Variants in TMIGD1 observed in about 807,000 individuals in gnomAD.
TMIGD1 encodes the protein transmembrane and immunoglobulin domain containing 1, also known as transmembrane and immunoglobulin domain-containing protein 1.
TMIGD1 carries 29 observed loss-of-function variants against 27.5 expected under a neutral mutation model. The ratio of observed to expected loss-of-function variants is 1.05; its 90% CI spans 0.78 to 1.44. The LOEUF (loss-of-function observed/expected upper bound fraction) is 1.44, where lower values mean the gene tolerates loss of function less well. TMIGD1 is among the 40% of genes most tolerant of loss of function. The probability of loss-of-function intolerance (pLI) is 0.00; values close to 1 mark genes in which losing one functional copy is unlikely to be tolerated. For missense variants in TMIGD1, 334 were observed against 310.6 expected, an observed-to-expected ratio of 1.08 and a Z score of -0.57; for synonymous variants, 109 against 110.3, an observed-to-expected ratio of 0.99 and a Z score of 0.07.
intron 1 of TMIGD1, among the ~76,000 whole-genome samples, chr17:30,333,627 A>C (rs976803775): frequency 7.2e-5 from 11 of 152,116 alleles, no homozygotes; most frequent in African/African-American, 2.7e-4. Flanking sequence ...CATTCATGCC[A>C]GGCTCACCCT....
chr17:30,332,163 G>C lies in TMIGD1; in HGVS notation c.-25-5C>G, dbSNP rs776905046. The C allele has an allele frequency of 1.1e-4, 174 of 1,572,808 alleles. No individual in the cohort carries two copies. The highest frequency in any genetic ancestry group is 1.5e-4 in the Non-Finnish European group (172 of 1,149,814). ...AATGAGTTAAACTCAGATCTACTAA[G>C]GGAAAAATAGTGCAGTTGGTTTTGT... On this transcript the variant is annotated splice_region_variant and splice_polypyrimidine_tract_variant and intron_variant, in intron 1 of 6. Transcript: ENST00000328886.
At chr17:30,329,110 G>T in intron 3 of TMIGD1, 141 bp downstream of exon 3, 1 of 904,994 alleles carries the variant, frequency 1.1e-6, no homozygotes, top group Non-Finnish European at 1.6e-6. Context: ...TCATGAGGGT[G>T]AGGGGAAATA....
intron 5 of TMIGD1, among the ~76,000 whole-genome samples, chr17:30,317,634 C>G (rs1274844076): frequency 6.6e-6 from 1 of 151,868 alleles, no homozygotes; most frequent in African/African-American, 2.4e-5. Flanking sequence ...GTGCCACATG[C>G]CTGTAGTCCC....
intron 6 of TMIGD1, 57 bp from the exon 7 acceptor site, chr17:30,316,747 CA>C: frequency 8.6e-6 from 13 of 1,519,542 alleles, no homozygotes; most frequent in Non-Finnish European, 1.2e-5. Context: ...GAAAAAAATT[CA>C]AAACAAAACC....
intron 4 of TMIGD1, among the ~76,000 whole-genome samples, chr17:30,321,102 C>T (rs1479058148): frequency 6.6e-6 from 1 of 152,104 alleles, no homozygotes; most frequent in African/African-American, 2.4e-5. Context: ...AAGTGATCTG[C>T]CTGCCTTGGC....
rs368514484 is a variant in TMIGD1, at chr17:30,325,103, C to T, written c.362-9G>A. ...ACTTAGGAGAGGAGGAACTGCAAGA[C>T]TCAAGCATTTAGATTTAATTAGCAG... On this transcript the variant is annotated splice_polypyrimidine_tract_variant and intron_variant, in intron 3 of 6. Coordinates refer to ENST00000328886, the MANE Select transcript of TMIGD1 (RefSeq NM_206832.3). 5 of 1,600,540 alleles carry T rather than the reference C, an allele frequency of 3.1e-6. No homozygotes were observed. The highest frequency in any genetic ancestry group is 4.3e-6 in the Non-Finnish European group (5 of 1,172,036).
At chr17:30,330,705 T>C (rs1003745278) in intron 2 of TMIGD1, among the ~76,000 whole-genome samples, 3 of 152,230 alleles carry the variant, frequency 2.0e-5, no homozygotes, top group African/African-American at 7.2e-5. Flanking sequence ...CCAGGTTTTT[T>C]TTGTTTTGTT....
chr17:30,329,790 T>C (rs1234571434), intron 2 of TMIGD1, among the ~76,000 whole-genome samples: 1 of 152,104 alleles, frequency 6.6e-6, no homozygotes, highest in South Asian at 2.1e-4. Context: ...TAAAAAGTAC[T>C]GATGTAGCTG....
chr17:30,316,788 T>C (rs1026701653), intron 6 of TMIGD1, 98 bp from the exon 7 acceptor site: 26 of 1,091,510 alleles, frequency 2.4e-5, no homozygotes, highest in Admixed American at 4.1e-5. Context: ...CCTTTGTTCT[T>C]ATTACCTACT....
At chr17:30,319,036 A>G (rs1363455049) in intron 4 of TMIGD1, 123 bp from the exon 5 acceptor site, 2 of 706,160 alleles carry the variant, frequency 2.8e-6, no homozygotes, top group African/African-American at 3.5e-5. Flanking sequence ...AACAATCTCA[A>G]AAAGTAGGTA....
chr17:30,324,198 T>A (rs1443882809), intron 4 of TMIGD1, among the ~76,000 whole-genome samples: 1 of 152,218 alleles, frequency 6.6e-6, no homozygotes, highest in African/African-American at 2.4e-5. Flanking sequence ...TGGCATCTGC[T>A]ACCCCAGGTA....
chr17:30,324,801 T>G lies in TMIGD1; in HGVS notation c.640+15A>C, dbSNP rs199804744. ...GTTTTGCACTGTGCTGGGTATTACT[T>G]AAAAAGAGCATTACCTTTAACAATC... On this transcript the variant is annotated intron_variant, in intron 4 of 6. Transcript: ENST00000328886. The G allele has an allele frequency of 6.2e-7, 1 of 1,612,108 alleles. No individual in the cohort carries two copies. Among genetic ancestry groups the G allele is most frequent in the African/African-American group, 1.3e-5 (1 of 74,838 alleles).
At chr17:30,319,025 C>G (rs1909516493) in intron 4 of TMIGD1, 112 bp from the exon 5 acceptor site, 1 of 748,990 alleles carries the variant, frequency 1.3e-6, no homozygotes, top group Non-Finnish European at 2.3e-6. Context: ...TAAACCTTCT[C>G]AACAATCTCA....
chr17:30,328,468 G>T (rs1049254434), intron 3 of TMIGD1, among the ~76,000 whole-genome samples: 13 of 151,996 alleles, frequency 8.6e-5, no homozygotes, highest in African/African-American at 3.1e-4. Flanking sequence ...ACAAATAGGA[G>T]AAATACTTAC....
chr17:30,320,539 A>G (rs1909584551), intron 4 of TMIGD1, among the ~76,000 whole-genome samples: 1 of 152,236 alleles, frequency 6.6e-6, no homozygotes, highest in Non-Finnish European at 1.5e-5. Context: ...ACTGTTAAAT[A>G]ATAATGTTTA....
intron 3 of TMIGD1, among the ~76,000 whole-genome samples, chr17:30,327,376 CA>C (rs1422433261): frequency 6.6e-6 from 1 of 150,850 alleles, no homozygotes; most frequent in Non-Finnish European, 1.5e-5. Flanking sequence ...GAGATTGTGC[CA>C]CTGCACTCCA....
rs138969169 is a variant in TMIGD1, at chr17:30,321,399, C to T, written c.641-2486G>A. 7.0e-3 allele frequency among the ~76,000 whole-genome samples: 1,062 copies of T among 152,284 alleles called. 7 individuals are homozygous for T. The highest frequency in any genetic ancestry group is 0.012 in the Non-Finnish European group (784 of 68,024). On this transcript the variant is annotated intron_variant, in intron 4 of 6. Coordinates refer to ENST00000328886, the MANE Select transcript of TMIGD1 (RefSeq NM_206832.3). ...CCTGGATTCTGATGCCATCCAACGA[C>T]GGGAAGGAGCTTCAGTCATGGCTTA...
At chr17:30,317,464 G>GA (rs200849494) in intron 5 of TMIGD1, among the ~76,000 whole-genome samples, 10 of 150,740 alleles carry the variant, frequency 6.6e-5, no homozygotes, top group East Asian at 1.9e-4. Flanking sequence ...CTTTTTTATA[G>GA]AAAAAAAAAT....
At chr17:30,319,089 G>A (rs1160566895) in intron 4 of TMIGD1, among the ~76,000 whole-genome samples, 176 bp from the exon 5 acceptor site, 3 of 151,160 alleles carry the variant, frequency 2.0e-5, no homozygotes, top group Non-Finnish European at 4.4e-5. Flanking sequence ...GAGGTTTGAG[G>A]GGTTAGAGTG....
Sources: allele counts gnomAD v4.1 joint callset (sites outside exome capture counted in the v4.1 genomes callset), GRCh38; gene constraint gnomAD v4.1.1; transcripts MANE v1.5; gene names NCBI Gene and HGNC (gene_info 2026-07-23, HGNC 2026-07-21).